PRKCA: variants seen among roughly 807,000 people sequenced by gnomAD.
PRKCA encodes the protein protein kinase C alpha.
In PRKCA, 27 loss-of-function variants were observed where a neutral mutation model predicts 87.0. The observed-to-expected ratio is 0.31, with a 90% CI of 0.23 to 0.43. The LOEUF (loss-of-function observed/expected upper bound fraction) is 0.43. PRKCA is among the 20% of genes least tolerant of loss of function. PRKCA has a pLI of 1.00. For missense variants in PRKCA, 518 were observed against 852.3 expected (o/e 0.61, Z 4.88); for synonymous variants, 329 against 311.1 (o/e 1.06, Z -0.61).
At chr17:66,677,246 AT>A (rs1347536254) in intron 5 of PRKCA, 2 of 151,926 alleles carry the variant, frequency 1.3e-5, no homozygotes, top group Non-Finnish European at 2.9e-5. Context: ...CACCCGGCTA[AT>A]TATTTGTATT....
At chr17:66,729,870 C>T (rs1279086073) in intron 8 of PRKCA, among the ~76,000 whole-genome samples, 3 of 149,376 alleles carry the variant, frequency 2.0e-5, no homozygotes, top group East Asian at 2.0e-4. Context: ...CTGCTGCCTC[C>T]GCCTCCCCAG....
chr17:66,492,917 T>A (rs1251388177), intron 2 of PRKCA, among the ~76,000 whole-genome samples: 1 of 152,196 alleles, frequency 6.6e-6, no homozygotes, highest in African/African-American at 2.4e-5. Flanking sequence ...TGCCCCTGAC[T>A]GTGCAGGGCA....
At chr17:66,669,858 C>A (rs959898779) in intron 5 of PRKCA, among the ~76,000 whole-genome samples, 1 of 152,164 alleles carries the variant, frequency 6.6e-6, no homozygotes, top group East Asian at 1.9e-4. Flanking sequence ...GCTGAGATTG[C>A]GCCACTGCAC....
At chr17:66,530,135 T>C (rs1321259795) in intron 3 of PRKCA, among the ~76,000 whole-genome samples, 1 of 152,234 alleles carries the variant, frequency 6.6e-6, no homozygotes, top group Non-Finnish European at 1.5e-5. Flanking sequence ...AAGCATATCC[T>C]AGCTAGAATC....
At chr17:66,619,894 G>A (rs1241140328) in intron 3 of PRKCA, among the ~76,000 whole-genome samples, 1 of 130,818 alleles carries the variant, frequency 7.6e-6, no homozygotes, top group Non-Finnish European at 1.7e-5. Flanking sequence ...TCACCTCGTT[G>A]AGGTTATAAA....
intron 13 of PRKCA, among the ~76,000 whole-genome samples, chr17:66,750,337 T>A (rs1974401142): frequency 6.6e-6 from 1 of 152,146 alleles, no homozygotes; most frequent in African/African-American, 2.4e-5. Context: ...AGGGTCATGG[T>A]CCAGTGACTC....
intron 3 of PRKCA, among the ~76,000 whole-genome samples, chr17:66,639,072 C>T (rs1971221563): frequency 1.3e-5 from 2 of 152,200 alleles, no homozygotes; most frequent in African/African-American, 2.4e-5. Flanking sequence ...ATTATGTCTA[C>T]AGTAGATCTC....
intron 13 of PRKCA, among the ~76,000 whole-genome samples, chr17:66,745,540 G>T (rs576864964): frequency 6.6e-6 from 1 of 151,732 alleles, no homozygotes; most frequent in Admixed American, 6.6e-5. Context: ...AATTAGCCGG[G>T]TGTGGTGGCA....
At chr17:66,333,932 T>G (rs917690325) in intron 2 of PRKCA, among the ~76,000 whole-genome samples, 1 of 152,106 alleles carries the variant, frequency 6.6e-6, no homozygotes, top group African/African-American at 2.4e-5. Flanking sequence ...ACACCTAATA[T>G]AAAGTGTAAA....
At chr17:66,788,278 C>T (rs1379158063) in intron 15 of PRKCA, among the ~76,000 whole-genome samples, 4 of 152,172 alleles carry the variant, frequency 2.6e-5, no homozygotes, top group Non-Finnish European at 5.9e-5. Context: ...CTTCTGCCTT[C>T]AGAGAGTTCA....
chr17:66,711,060 A>G (rs541755240), intron 8 of PRKCA, among the ~76,000 whole-genome samples: 1 of 151,414 alleles, frequency 6.6e-6, no homozygotes, highest in Non-Finnish European at 1.5e-5. Context: ...AATAAATAAA[A>G]TAAATAAATA....
chr17:66,544,467 G>T (rs1282243986), intron 3 of PRKCA, among the ~76,000 whole-genome samples: 1 of 152,062 alleles, frequency 6.6e-6, no homozygotes, highest in Non-Finnish European at 1.5e-5. Flanking sequence ...CTAAAAACAA[G>T]CCTTAGTACA....
chr17:66,356,566 G>A (rs1361374211), intron 2 of PRKCA, among the ~76,000 whole-genome samples: 1 of 152,202 alleles, frequency 6.6e-6, no homozygotes, highest in East Asian at 1.9e-4. Context: ...GGAGGTTGCA[G>A]TGAGCTGAGA....
intron 3 of PRKCA, among the ~76,000 whole-genome samples, chr17:66,577,958 C>T (rs941487701): frequency 9.2e-5 from 14 of 151,882 alleles, no homozygotes; most frequent in African/African-American, 2.7e-4. Context: ...CAGAAGCTGC[C>T]GCACACCTGC....
chr17:66,447,720 C>T (rs1914106264), intron 2 of PRKCA, among the ~76,000 whole-genome samples: 1 of 152,260 alleles, frequency 6.6e-6, no homozygotes, highest in African/African-American at 2.4e-5. Context: ...TTTCCAACAG[C>T]CTCCAGGGCC....
At chr17:66,756,067 C>G (rs981549395) in intron 13 of PRKCA, among the ~76,000 whole-genome samples, 3 of 152,198 alleles carry the variant, frequency 2.0e-5, no homozygotes, top group African/African-American at 7.2e-5. Flanking sequence ...GAGAATCAGT[C>G]ACGGGGGCTC....
At chr17:66,541,561 A>G (rs938561383) in intron 3 of PRKCA, among the ~76,000 whole-genome samples, 4 of 152,268 alleles carry the variant, frequency 2.6e-5, no homozygotes, top group African/African-American at 9.6e-5. Flanking sequence ...TGCCAGAGGC[A>G]GCAGATGCTA....
chr17:66,672,007 A>G (rs142720263), intron 5 of PRKCA, among the ~76,000 whole-genome samples: 1 of 152,340 alleles, frequency 6.6e-6, no homozygotes, highest in East Asian at 1.9e-4. Context: ...ATAAATTTCA[A>G]ATGGTCTTAA....
chr17:66,310,168 A>T (rs1303009828), intron 2 of PRKCA, among the ~76,000 whole-genome samples: 1 of 151,610 alleles, frequency 6.6e-6, no homozygotes, highest in East Asian at 1.9e-4. Context: ...CAGTTAACAT[A>T]GTTTGTTTCA....
Sources: allele counts gnomAD v4.1 joint callset (sites outside exome capture counted in the v4.1 genomes callset), GRCh38; gene constraint gnomAD v4.1.1; transcripts MANE v1.5; gene names NCBI Gene and HGNC (gene_info 2026-07-23, HGNC 2026-07-21).